EFCAB5: variants seen among roughly 807,000 people sequenced by gnomAD.
EFCAB5 encodes the protein EF-hand calcium-binding domain-containing protein 5.
EFCAB5 carries 131 observed loss-of-function variants against 167.9 expected under a neutral mutation model. The ratio of observed to expected loss-of-function variants is 0.78; its 90% CI spans 0.68 to 0.90. The LOEUF (loss-of-function observed/expected upper bound fraction) is 0.90. Among genes scored for constraint, EFCAB5 ranks in the 40% least tolerant of loss-of-function variants. The pLI, the probability that EFCAB5 is intolerant of heterozygous loss-of-function variation, is 0.00. For missense variants in EFCAB5, 1,663 were observed against 1,745.2 expected, an observed-to-expected ratio of 0.95 and a Z score of 0.84; for synonymous variants, 574 against 602.8, an observed-to-expected ratio of 0.95 and a Z score of 0.70.
chr17:29,976,597 A>G (rs1383812658), intron 4 of EFCAB5, among the ~76,000 whole-genome samples: 1 of 152,182 alleles, frequency 6.6e-6, no homozygotes, highest in Non-Finnish European at 1.5e-5. Flanking sequence ...CCTGCTTTGA[A>G]ATTCTCAGAA....
chr17:30,010,901 A>C (rs983175084), intron 7 of EFCAB5, among the ~76,000 whole-genome samples: 6 of 152,174 alleles, frequency 3.9e-5, no homozygotes, highest in African/African-American at 1.4e-4. Context: ...CCTGAATGGT[A>C]ATGCCTAGGT....
intron 7 of EFCAB5, among the ~76,000 whole-genome samples, chr17:30,027,865 ATTC>A (rs927664474): frequency 6.6e-6 from 1 of 152,176 alleles, no homozygotes; most frequent in African/African-American, 2.4e-5. Flanking sequence ...CACCCAATAC[ATTC>A]TTCTTTACTA....
At chr17:29,998,688 A>G (rs1475031328) in intron 6 of EFCAB5, among the ~76,000 whole-genome samples, 1 of 152,200 alleles carries the variant, frequency 6.6e-6, no homozygotes, top group African/African-American at 2.4e-5. Flanking sequence ...ACAATAACAG[A>G]TATCTCATAA....
At chr17:30,047,603 A>G (rs540051366) in intron 8 of EFCAB5, among the ~76,000 whole-genome samples, 3 of 152,342 alleles carry the variant, frequency 2.0e-5, no homozygotes, top group Admixed American at 6.5e-5. Context: ...CAGTTTGTCT[A>G]GGACTCACAC....
intron 14 of EFCAB5, among the ~76,000 whole-genome samples, chr17:30,064,569 G>A (rs2070511099): frequency 6.6e-6 from 1 of 152,148 alleles, no homozygotes; most frequent in East Asian, 1.9e-4. Context: ...TCCAGAAGGA[G>A]AAGAGAAGGG....
chr17:30,108,069 T>G lies in EFCAB5; in HGVS notation c.*45T>G. 2 of 1,538,664 alleles carry G rather than the reference T, an allele frequency of 1.3e-6. No individual in the cohort carries two copies. The highest frequency in any genetic ancestry group is 1.7e-6 in the Non-Finnish European group (2 of 1,150,456). ...TGATACTGTATTTAGGATCCTTTGTTTGTTATCAGTTTTGTTTGTTAACTA... is the reference window on the plus strand; with the variant it reads ...TGATACTGTATTTAGGATCCTTTGTGTGTTATCAGTTTTGTTTGTTAACTA... On this transcript the variant is annotated 3_prime_UTR_variant, in exon 23 of 23. Coordinates refer to ENST00000394835, the MANE Select transcript of EFCAB5 (RefSeq NM_198529.4).
chr17:29,990,407 A>G (rs2068388369), intron 4 of EFCAB5, among the ~76,000 whole-genome samples: 1 of 152,012 alleles, frequency 6.6e-6, no homozygotes, highest in South Asian at 2.1e-4. Flanking sequence ...ATTTCCACAT[A>G]TGGCACAATC....
rs1381317389 is a variant in EFCAB5 at position 30,090,578 on chromosome 17, T to C, written c.3841T>C (p.Tyr1281His). The C allele has an allele frequency of 2.5e-6, 4 of 1,613,852 alleles. No homozygotes were observed. The South Asian group carries it at 4.4e-5, about 18-fold the overall frequency. ...GQNRMLLCQEYKDLQKMMKVV... is the reference protein window; with the variant it reads ...GQNRMLLCQEHKDLQKMMKVV... ...AAATAGGATGTTGTTGTGTCAAGAA[T>C]ATAAAGATCTACAGAAAATGATGAA... is the stretch of plus-strand genomic sequence containing the variant. The change falls in exon 20 of 23, where the codon TAT becomes CAT. Residue 1281 changes from tyrosine (Y) to histidine (H), a missense_variant. By Grantham distance (83) the Tyr-to-His change is moderately conservative (BLOSUM62 2). Coordinates refer to ENST00000394835, the MANE Select transcript of EFCAB5 (RefSeq NM_198529.4).
intron 3 of EFCAB5, among the ~76,000 whole-genome samples, chr17:29,965,523 A>C (rs1388506930): frequency 6.6e-6 from 1 of 152,154 alleles, no homozygotes; most frequent in Admixed American, 6.5e-5. Flanking sequence ...TATATTGGGT[A>C]GACTATTGTA....
intron 7 of EFCAB5, among the ~76,000 whole-genome samples, chr17:30,023,766 G>A (rs2069243102): frequency 6.6e-6 from 1 of 152,102 alleles, no homozygotes; most frequent in Non-Finnish European, 1.5e-5. Context: ...GATGAACATT[G>A]ATGCAAAAAT....
chr17:30,003,467 A>AAG (rs1317342796), intron 7 of EFCAB5, among the ~76,000 whole-genome samples: 1 of 151,976 alleles, frequency 6.6e-6, no homozygotes, highest in Non-Finnish European at 1.5e-5. Context: ...TCCTGAGCTC[A>AAG]AGAGATCCTC....
chr17:30,009,881 A>G (rs2068856173), intron 7 of EFCAB5, among the ~76,000 whole-genome samples: 1 of 151,936 alleles, frequency 6.6e-6, no homozygotes, highest in African/African-American at 2.4e-5. Context: ...TTACATATGT[A>G]TACATGTGCC....
intron 22 of EFCAB5, among the ~76,000 whole-genome samples, chr17:30,098,539 A>G (rs2071336544): frequency 1.3e-5 from 2 of 151,236 alleles, no homozygotes; most frequent in African/African-American, 4.9e-5. Flanking sequence ...CTACAGAGAA[A>G]AAAAAAAAAA....
At chr17:29,959,417 C>G (rs961152682) in intron 3 of EFCAB5, among the ~76,000 whole-genome samples, 2 of 151,770 alleles carry the variant, frequency 1.3e-5, no homozygotes, top group Non-Finnish European at 2.9e-5. Context: ...GAGTCTTTTC[C>G]ATGACCACCA....
intron 1 of EFCAB5, 91 bp downstream of exon 1, chr17:29,941,929 A>G (rs552849638): frequency 1.7e-4 from 217 of 1,260,240 alleles, no homozygotes; most frequent in Admixed American, 3.7e-4. Context: ...ACAGTCTATC[A>G]TTTAATTATT....
rs190804610 is a variant in EFCAB5, at chr17:29,958,574, C to T, written c.191-10217C>T. On this transcript the variant is annotated intron_variant, in intron 3 of 22. Transcript: ENST00000394835. Reference sequence around the variant, plus strand: ...GCTATCTTGAATTTCATTGAGCTTCCTCAAAACAGCTATTTTGAATTCTCT... The same window carrying T: ...GCTATCTTGAATTTCATTGAGCTTCTTCAAAACAGCTATTTTGAATTCTCT... Among the ~76,000 whole-genome samples, 4 of 152,220 alleles carry T rather than the reference C, an allele frequency of 2.6e-5. No individual in the cohort carries two copies. In the East Asian group the frequency reaches 7.7e-4, roughly 29 times the overall value.
intron 22 of EFCAB5, among the ~76,000 whole-genome samples, chr17:30,094,912 G>A (rs923704403): frequency 6.6e-6 from 1 of 152,156 alleles, no homozygotes; most frequent in Non-Finnish European, 1.5e-5. Context: ...GTTTGCAGTA[G>A]TACATCAATA....
At chr17:30,057,086 C>A (rs1465525452) in intron 12 of EFCAB5, among the ~76,000 whole-genome samples, 1 of 152,064 alleles carries the variant, frequency 6.6e-6, no homozygotes, top group African/African-American at 2.4e-5. Flanking sequence ...TTAGCCAAGG[C>A]TTTTGGAAGA....
rs765917335 is a variant in EFCAB5, at chr17:29,941,770, C to T, written c.-27C>T. ...CTGGTCTAGTAATATTCTTCTATAC[C>T]ATTTGGTGATAACTTTTGGAGTCCA... On this transcript the variant is annotated 5_prime_UTR_variant, in exon 1 of 23. Coordinates refer to ENST00000394835, the MANE Select transcript of EFCAB5 (RefSeq NM_198529.4). 3.2e-6 allele frequency: 5 copies of T among 1,582,116 alleles called. No homozygotes were observed. The South Asian group carries it at 5.7e-5, about 18-fold the overall frequency.
Sources: allele counts gnomAD v4.1 joint callset (sites outside exome capture counted in the v4.1 genomes callset), GRCh38; gene constraint gnomAD v4.1.1; transcripts MANE v1.5; gene names NCBI Gene and HGNC (gene_info 2026-07-23, HGNC 2026-07-21).